Variants in WWP2 observed in about 807,000 individuals in gnomAD.
The protein encoded by WWP2 is NEDD4-like E3 ubiquitin-protein ligase WWP2.
A neutral mutation model predicts 121.0 loss-of-function variants in WWP2; 57 were observed. That is an observed-to-expected ratio of 0.47 (90% CI 0.38 to 0.59). WWP2 has a LOEUF of 0.59. Among genes scored for constraint, WWP2 ranks in the 20% least tolerant of loss-of-function variants. The probability of loss-of-function intolerance (pLI) is 0.00; values close to 1 mark genes in which losing one functional copy is unlikely to be tolerated. For synonymous variants in WWP2, 449 were observed against 441.3 expected, an observed-to-expected ratio of 1.02 and a Z score of -0.22; for missense variants, 962 against 1,158.9, an observed-to-expected ratio of 0.83 and a Z score of 2.47.
intron 1 of WWP2, among the ~76,000 whole-genome samples, chr16:69,780,248 C>T (rs2055635722): frequency 6.7e-6 from 1 of 149,134 alleles, no homozygotes; most frequent in South Asian, 2.1e-4. Flanking sequence ...CTAAGGCTGC[C>T]ACTTGCCTTT....
intron 6 of WWP2, among the ~76,000 whole-genome samples, chr16:69,843,493 A>G (rs1022682308): frequency 6.6e-6 from 1 of 152,176 alleles, no homozygotes; most frequent in Non-Finnish European, 1.5e-5. Context: ...GAGGAAAATA[A>G]TCTTAAATGT....
chr16:69,903,577 G>A (rs570001666), intron 8 of WWP2, among the ~76,000 whole-genome samples: 2 of 152,134 alleles, frequency 1.3e-5, no homozygotes, highest in African/African-American at 4.8e-5. Context: ...GACCATCCTG[G>A]CCAACATGGT....
intron 10 of WWP2, among the ~76,000 whole-genome samples, chr16:69,921,591 T>C (rs953383163): frequency 3.3e-5 from 5 of 152,230 alleles, no homozygotes; most frequent in African/African-American, 1.2e-4. Context: ...AGTGTGCTAA[T>C]GTTGCCCGTG....
chr16:69,924,709 C>G (rs892587435), intron 10 of WWP2, among the ~76,000 whole-genome samples: 1 of 148,550 alleles, frequency 6.7e-6, no homozygotes, highest in African/African-American at 2.5e-5. Context: ...CCCCCACCCC[C>G]CCCACCCCCA....
chr16:69,928,919 A>G (rs898304556), intron 11 of WWP2, among the ~76,000 whole-genome samples: 5 of 152,186 alleles, frequency 3.3e-5, no homozygotes, highest in Non-Finnish European at 7.4e-5. Context: ...TGGAGGGTAC[A>G]GGGGCGCAGG....
At chr16:69,763,788 A>C (rs996622451) in intron 1 of WWP2, among the ~76,000 whole-genome samples, 1 of 152,202 alleles carries the variant, frequency 6.6e-6, no homozygotes, top group African/African-American at 2.4e-5. Context: ...GCATGTTGTG[A>C]GCACTTGATA....
At chr16:69,820,857 C>CACACACA in intron 4 of WWP2, among the ~76,000 whole-genome samples, 2 of 149,740 alleles carry the variant, frequency 1.3e-5, no homozygotes, top group South Asian at 2.1e-4. Flanking sequence ...CACACACACA[C>CACACACA]GACGTTGAAA....
intron 2 of WWP2, among the ~76,000 whole-genome samples, chr16:69,797,481 C>T (rs998369412): frequency 1.3e-5 from 2 of 152,056 alleles, no homozygotes; most frequent in Non-Finnish European, 2.9e-5. Flanking sequence ...ATGATATATT[C>T]CCTGCCTCAT....
chr16:69,763,231 C>T (rs565136811), intron 1 of WWP2, among the ~76,000 whole-genome samples: 3 of 152,218 alleles, frequency 2.0e-5, no homozygotes, highest in Admixed American at 6.5e-5. Flanking sequence ...CTCTTTCTTC[C>T]GTTTAAATTA....
At chr16:69,834,365 A>G (rs1053389507) in intron 4 of WWP2, among the ~76,000 whole-genome samples, 3 of 151,538 alleles carry the variant, frequency 2.0e-5, no homozygotes, top group African/African-American at 7.3e-5. Flanking sequence ...GACTTCCCCC[A>G]TCCTTTAGTC....
At position 69,903,781 on chromosome 16, in the gene WWP2, AG is replaced by A. The variant is rs1464644077; in HGVS notation, c.915-4979del. On this transcript the variant is annotated intron_variant, in intron 8 of 23. Transcript: ENST00000359154. Reference sequence around the variant, plus strand: ...GAATCTGTCTCAAAAAAAAAAAAAAAGAAAGAAAGAAAAATGTGTTTAAGTT... The same window carrying A: ...GAATCTGTCTCAAAAAAAAAAAAAAAAAAGAAAGAAAAATGTGTTTAAGTT... Among the ~76,000 whole-genome samples the A allele has an allele frequency of 1.5e-4, 23 of 151,262 alleles. 1 individual carries two copies. The highest frequency in any genetic ancestry group is 4.9e-4 in the African/African-American group (20 of 40,806).
intron 6 of WWP2, among the ~76,000 whole-genome samples, chr16:69,869,519 A>AT (rs1322112899): frequency 6.6e-6 from 1 of 150,814 alleles, no homozygotes; most frequent in Non-Finnish European, 1.5e-5. Context: ...AATTTTTTAA[A>AT]TTTTTTGCTA....
chr16:69,875,751 C>T (rs909568052), intron 7 of WWP2, among the ~76,000 whole-genome samples: 9 of 152,142 alleles, frequency 5.9e-5, no homozygotes, highest in African/African-American at 1.9e-4. Context: ...TTCAGGCCTA[C>T]TTCTTATTCT....
At chr16:69,809,250 C>T (rs544036276) in intron 4 of WWP2, among the ~76,000 whole-genome samples, 55 of 152,212 alleles carry the variant, frequency 3.6e-4, no homozygotes, top group Non-Finnish European at 5.7e-4. Context: ...ATGACAATGG[C>T]GTACGTAGCC....
In WWP2 at chr16:69,799,349, C is replaced by T. The variant is rs2056114568; in HGVS notation, c.340+54C>T. 4 of 1,589,242 alleles carry T rather than the reference C, an allele frequency of 2.5e-6. No homozygotes were observed. The highest frequency in any genetic ancestry group is 2.3e-5 in the South Asian group (2 of 87,346). On this transcript the variant is annotated intron_variant, in intron 4 of 23. Transcript: ENST00000359154. The surrounding 1 kb of genome is among the most constrained non-coding windows in gnomAD (Gnocchi z 4.5). ...GATTCTTGGGTGGGGATGGGAGGAC[C>T]TGGCAGATCAACCTGGTATTGCAAT...
chr16:69,875,875 T>C (rs759622547), intron 7 of WWP2, among the ~76,000 whole-genome samples: 4 of 152,226 alleles, frequency 2.6e-5, no homozygotes, highest in African/African-American at 7.2e-5. Context: ...TGTGTTGATA[T>C]GTTGACCTCC....
intron 10 of WWP2, chr16:69,924,880 TGG>T: frequency 3.1e-6 from 3 of 974,500 alleles, no homozygotes; most frequent in Non-Finnish European, 3.7e-6. Context: ...GATGGGAGGT[TGG>T]GGGGGACGCC....
At chr16:69,831,383 G>T (rs2056790888) in intron 4 of WWP2, among the ~76,000 whole-genome samples, 1 of 152,136 alleles carries the variant, frequency 6.6e-6, no homozygotes, top group African/African-American at 2.4e-5. Flanking sequence ...AACTCTCCAG[G>T]CAAGAGTTCT....
At chr16:69,848,787 C>A (rs746684275) in intron 6 of WWP2, among the ~76,000 whole-genome samples, 5 of 151,982 alleles carry the variant, frequency 3.3e-5, no homozygotes, top group African/African-American at 4.8e-5. Flanking sequence ...TTTGTGTGTG[C>A]ATGTAGGCCT....
Sources: allele counts gnomAD v4.1 joint callset (sites outside exome capture counted in the v4.1 genomes callset), GRCh38; gene constraint gnomAD v4.1.1; non-coding constraint Gnocchi (gnomAD v3.1); transcripts MANE v1.5; gene names NCBI Gene and HGNC (gene_info 2026-07-23, HGNC 2026-07-21).